Variants in SLCO3A1 observed in about 807,000 individuals in gnomAD.
SLCO3A1 encodes solute carrier organic anion transporter family member 3A1.
In SLCO3A1, 27 loss-of-function variants were observed where a neutral mutation model predicts 63.1. That is an observed-to-expected ratio of 0.43 (90% CI 0.32 to 0.59). SLCO3A1 has a LOEUF of 0.59. SLCO3A1 is among the 20% of genes least tolerant of loss of function. The pLI is 0.09. For missense variants in SLCO3A1, 773 were observed against 945.8 expected, an observed-to-expected ratio of 0.82 and a Z score of 2.40; for synonymous variants, 473 against 409.9, an observed-to-expected ratio of 1.15 and a Z score of -1.86.
In SLCO3A1 at chr15:92,097,283, T is replaced by A. The variant is rs118123505; in HGVS notation, c.745+2304T>A. Among the ~76,000 whole-genome samples the A allele has an allele frequency of 4.6e-5, 7 of 152,254 alleles. No individual in the cohort carries two copies. In the East Asian group the frequency reaches 1.3e-3, roughly 29 times the overall value. On this transcript the variant is annotated intron_variant, in intron 3 of 9. Coordinates refer to ENST00000318445, the MANE Select transcript of SLCO3A1 (RefSeq NM_013272.4). ...GGATGTCCCCAATCCAAGGAATGTA[T>A]CTCTATAAAACCCCGATCTCCTGAG...
At chr15:92,052,647 A>G (rs2046971558) in intron 2 of SLCO3A1, among the ~76,000 whole-genome samples, 1 of 152,176 alleles carries the variant, frequency 6.6e-6, no homozygotes, top group Admixed American at 6.5e-5. Context: ...GCCTGGCTCC[A>G]TGTAATTTCC....
chr15:91,911,382 T>C (rs1253662503), intron 1 of SLCO3A1, among the ~76,000 whole-genome samples: 2 of 152,136 alleles, frequency 1.3e-5, no homozygotes, highest in Admixed American at 6.5e-5. Context: ...ACCAGGTAGC[T>C]TGTTAGAAAC....
In SLCO3A1 at chr15:91,967,811, A is replaced by T. The variant is rs1452446064; in HGVS notation, c.646+51353A>T. On this transcript the variant is annotated intron_variant, in intron 2 of 9. Transcript: ENST00000318445. The surrounding 1 kb of genome is among the most constrained non-coding windows in gnomAD (Gnocchi z 4.4). Reference sequence around the variant, plus strand: ...GACGTAGTGGCAGGACTAAAGGTCAAGGTCACTTCAGTGTTCTCCCAAATC... The same window carrying T: ...GACGTAGTGGCAGGACTAAAGGTCATGGTCACTTCAGTGTTCTCCCAAATC... Among the ~76,000 whole-genome samples the T allele has an allele frequency of 1.3e-5, 2 of 152,170 alleles. No individual in the cohort carries two copies. The highest frequency in any genetic ancestry group is 4.8e-5 in the African/African-American group (2 of 41,432).
chr15:91,911,672 G>C (rs904262065), intron 1 of SLCO3A1, among the ~76,000 whole-genome samples: 6 of 152,006 alleles, frequency 3.9e-5, no homozygotes, highest in Non-Finnish European at 7.4e-5. Context: ...TGTCACCAAG[G>C]CTGGAGTGCA....
intron 1 of SLCO3A1, among the ~76,000 whole-genome samples, chr15:91,901,404 G>A (rs147621070): frequency 1.5e-3 from 232 of 152,216 alleles, no homozygotes; most frequent in African/African-American, 5.4e-3. Context: ...ATAGCTTTTT[G>A]TATTTACTTA....
chr15:92,044,083 A>G (rs900865885), intron 2 of SLCO3A1, among the ~76,000 whole-genome samples: 3 of 152,122 alleles, frequency 2.0e-5, no homozygotes, highest in Admixed American at 1.3e-4. Flanking sequence ...TGGCAGCTTC[A>G]TAGACCATTA....
intron 2 of SLCO3A1, among the ~76,000 whole-genome samples, chr15:92,026,191 G>A (rs566596273): frequency 1.3e-5 from 2 of 152,092 alleles, no homozygotes; most frequent in Non-Finnish European, 2.9e-5. Context: ...ACTGTCGTTA[G>A]GAAAGGCAAG....
chr15:92,083,693 C>T lies in SLCO3A1; in HGVS notation c.647-11188C>T, dbSNP rs538785408. Among the ~76,000 whole-genome samples the T allele has an allele frequency of 5.9e-5, 9 of 152,022 alleles. No individual in the cohort carries two copies. The East Asian group carries it at 7.7e-4, about 13-fold the overall frequency. ...AATAAGCCTTGTGCATAGAAACAGA[C>T]GAGAAGGGAAGATCTAAATGCATGT... is the stretch of plus-strand genomic sequence containing the variant. On this transcript the variant is annotated intron_variant, in intron 2 of 9. Transcript: ENST00000318445.
chr15:92,134,214 G>A (rs11853311), intron 7 of SLCO3A1, among the ~76,000 whole-genome samples: 29,199 of 152,158 alleles, frequency 0.19, 2,916 homozygotes, highest in East Asian at 0.3. Context: ...AAAGGCTTAC[G>A]GTTTGCAGCC....
At chr15:92,017,285 T>TGC (rs1555424557) in intron 2 of SLCO3A1, among the ~76,000 whole-genome samples, 1 of 145,738 alleles carries the variant, frequency 6.9e-6, no homozygotes, top group Non-Finnish European at 1.5e-5. Context: ...GAGCTGGGAT[T>TGC]GGGGGGGGGT....
intron 2 of SLCO3A1, among the ~76,000 whole-genome samples, chr15:92,045,637 C>T (rs920465724): frequency 1.3e-5 from 2 of 152,138 alleles, no homozygotes; most frequent in Admixed American, 6.6e-5. Flanking sequence ...TTTGTGGCTT[C>T]CACCTTTTCA....
intron 7 of SLCO3A1, among the ~76,000 whole-genome samples, chr15:92,132,583 A>G (rs1228426742): frequency 7.2e-6 from 1 of 138,918 alleles, no homozygotes; most frequent in Non-Finnish European, 1.6e-5. Flanking sequence ...TGATGGCTGT[A>G]AGTTGTATCC....
At chr15:91,963,372 C>G (rs1193862484) in intron 2 of SLCO3A1, among the ~76,000 whole-genome samples, 2 of 116,378 alleles carry the variant, frequency 1.7e-5, no homozygotes, top group African/African-American at 6.9e-5. Flanking sequence ...AGGCCTGCCA[C>G]AGTTTCTCTC....
chr15:92,131,395 C>T (rs374669341), intron 7 of SLCO3A1, among the ~76,000 whole-genome samples: 14 of 104,550 alleles, frequency 1.3e-4, no homozygotes, highest in Middle Eastern at 9.3e-3. Flanking sequence ...GACAGGGTCT[C>T]GCTCTGTCAC....
chr15:92,114,569 C>G (rs74030490), intron 4 of SLCO3A1, among the ~76,000 whole-genome samples: 1 of 152,136 alleles, frequency 6.6e-6, no homozygotes, highest in African/African-American at 2.4e-5. Flanking sequence ...GGTCACCCCA[C>G]CTTGGATTCA....
At chr15:92,119,829 A>G (rs1057267137) in intron 4 of SLCO3A1, among the ~76,000 whole-genome samples, 2 of 152,162 alleles carry the variant, frequency 1.3e-5, no homozygotes, top group Non-Finnish European at 1.5e-5. Flanking sequence ...AGTGAAAACC[A>G]AGACCCCAGT....
At chr15:91,857,088 A>ATG (rs1421917170) in intron 1 of SLCO3A1, among the ~76,000 whole-genome samples, 2 of 136,826 alleles carry the variant, frequency 1.5e-5, no homozygotes, top group Non-Finnish European at 3.3e-5. Flanking sequence ...GAGAGAGAAA[A>ATG]TGTGTGTGTG....
At chr15:92,087,966 A>G (rs1238142382) in intron 2 of SLCO3A1, among the ~76,000 whole-genome samples, 1 of 152,178 alleles carries the variant, frequency 6.6e-6, no homozygotes, top group Non-Finnish European at 1.5e-5. Flanking sequence ...AGTGAGTCCC[A>G]TGGTCGGATT....
At chr15:91,864,444 A>G (rs1173778679) in intron 1 of SLCO3A1, among the ~76,000 whole-genome samples, 1 of 151,948 alleles carries the variant, frequency 6.6e-6, no homozygotes, top group Non-Finnish European at 1.5e-5. Flanking sequence ...GTTTTGGTGA[A>G]TACTGGGGAA....
Sources: allele counts gnomAD v4.1 joint callset (sites outside exome capture counted in the v4.1 genomes callset), GRCh38; gene constraint gnomAD v4.1.1; non-coding constraint Gnocchi (gnomAD v3.1); transcripts MANE v1.5; gene names NCBI Gene and HGNC (gene_info 2026-07-23, HGNC 2026-07-21).